RHOQ: variants seen among roughly 807,000 people sequenced by gnomAD.
The protein encoded by RHOQ is ras homolog family member Q.
In RHOQ, 7 loss-of-function variants were observed where a neutral mutation model predicts 25.8. That is an observed-to-expected ratio of 0.27 (90% CI 0.15 to 0.51). The LOEUF is 0.51. RHOQ is among the 20% of genes least tolerant of loss of function. RHOQ has a pLI of 0.97. For missense variants in RHOQ, 165 were observed against 260.6 expected (o/e 0.63, Z 2.53); for synonymous variants, 97 against 98.6 (o/e 0.98, Z 0.10).
At chr2:46,549,740 G>A (rs894550990) in intron 2 of RHOQ, among the ~76,000 whole-genome samples, 6 of 152,176 alleles carry the variant, frequency 3.9e-5, no homozygotes, top group African/African-American at 1.4e-4. Flanking sequence ...TGCTTTGCAT[G>A]TACGGAGGCT....
intron 2 of RHOQ, among the ~76,000 whole-genome samples, chr2:46,545,431 G>A (rs187505782): frequency 6.6e-6 from 1 of 152,330 alleles, no homozygotes; most frequent in East Asian, 1.9e-4. Flanking sequence ...GATGTGTGTA[G>A]TCAGAGCTGT....
chr2:46,581,361 T>C lies in RHOQ; in HGVS notation c.*278T>C, dbSNP rs1669363239. On this transcript the variant is annotated 3_prime_UTR_variant, in exon 5 of 5. Transcript: ENST00000238738. ...CATAGTTTAAAAAGCTACAATCACA[T>C]CATGTTGTAACTACGTAAAAAACAG... 6.9e-7 allele frequency: 1 copy of C among 1,450,460 alleles called. No homozygotes were observed. The highest frequency in any genetic ancestry group is 2.4e-5 in the Admixed American group (1 of 41,018). 89.8% of individuals were successfully genotyped at this position (1,450,460 alleles called of 1,614,324 possible).
chr2:46,582,130 AC>A lies in RHOQ; in HGVS notation c.*1048del, dbSNP rs910021284. 25 of 154,024 alleles carry A rather than the reference AC, an allele frequency of 1.6e-4. No homozygotes were observed. The highest frequency in any genetic ancestry group is 5.5e-4 in the African/African-American group (23 of 41,564). 9.5% of individuals were successfully genotyped at this position (154,024 alleles called of 1,614,324 possible). ...GAACCACAGCAGAAGTTATAGAGCG[AC>A]AACTTATATACACACCTAGAATGTA... is the stretch of plus-strand genomic sequence containing the variant. On this transcript the variant is annotated 3_prime_UTR_variant, in exon 5 of 5. Coordinates refer to ENST00000238738, the MANE Select transcript of RHOQ (RefSeq NM_012249.4).
At chr2:46,561,613 C>G (rs1230223645) in intron 2 of RHOQ, among the ~76,000 whole-genome samples, 3 of 152,078 alleles carry the variant, frequency 2.0e-5, no homozygotes, top group Non-Finnish European at 2.9e-5. Flanking sequence ...CCAGTAATAC[C>G]TATTTTTCCA....
intron 2 of RHOQ, among the ~76,000 whole-genome samples, chr2:46,575,544 T>C (rs1416098518): frequency 1.3e-5 from 2 of 152,080 alleles, no homozygotes; most frequent in African/African-American, 4.8e-5. Context: ...CTGCCAGGAT[T>C]TGAATCTCAG....
rs1385039489 is a variant in RHOQ at position 46,543,144 on chromosome 2, C to T, written c.98C>T (p.Ala33Val). Residue 33 changes from alanine (A) to valine (V), a missense_variant, in exon 1 of 5, where the codon GCC becomes GTC. Coordinates refer to ENST00000238738, the MANE Select transcript of RHOQ (RefSeq NM_012249.4). ...TCLLMSYANDAFPEEYVPTVF... is the reference protein window; with the variant it reads ...TCLLMSYANDVFPEEYVPTVF... Reference sequence around the variant, plus strand: ...CTACTCATGAGCTATGCCAACGACGCCTTCCCGGAGGAGTACGTGCCCACC... The same window carrying T: ...CTACTCATGAGCTATGCCAACGACGTCTTCCCGGAGGAGTACGTGCCCACC... The T allele has an allele frequency of 3.1e-6, 5 of 1,612,208 alleles. No individual in the cohort carries two copies. The highest frequency in any genetic ancestry group is 2.2e-5 in the East Asian group (1 of 44,744).
intron 2 of RHOQ, among the ~76,000 whole-genome samples, chr2:46,561,647 G>A (rs184625360): frequency 1.3e-5 from 2 of 152,070 alleles, no homozygotes; most frequent in East Asian, 3.9e-4. Flanking sequence ...GTTTGTCAAG[G>A]GCAGATGTAT....
rs1368871330 is a variant in RHOQ at position 46,584,319 on chromosome 2, G to A, written c.*3236G>A. Among the ~76,000 whole-genome samples the A allele has an allele frequency of 6.6e-6, 1 of 151,984 alleles. No individual in the cohort carries two copies. The highest frequency in any genetic ancestry group is 1.5e-5 in the Non-Finnish European group (1 of 67,962). On this transcript the variant is annotated 3_prime_UTR_variant, in exon 5 of 5. Coordinates refer to ENST00000238738, the MANE Select transcript of RHOQ (RefSeq NM_012249.4). ...TAATACTCTTTCCTCTATTTATGCT[G>A]AGAGTCTACTAATCATTGGCAAAGT...
chr2:46,578,569 CAAAAAAAAAAAAAAAAAAAAAAAA>C (rs755333304), intron 4 of RHOQ, among the ~76,000 whole-genome samples: 507 of 24,090 alleles, frequency 0.021, 14 homozygotes, highest in Admixed American at 0.047. Flanking sequence ...CCATCTCTAC[CAAAAAAAAAAAAAAAAAAAAAAAA>C]AAAAAAAAAA....
rs555758708 is a variant in RHOQ, at chr2:46,548,303, A to G, written c.201+4491A>G. The stretch of plus-strand genomic sequence containing the variant: ...TGGGTGCCCACAAGGCACTTCCCCT[A>G]CAGAAGGGAATCTCCACCGGAGGCA... On this transcript the variant is annotated intron_variant, in intron 2 of 4. Coordinates refer to ENST00000238738, the MANE Select transcript of RHOQ (RefSeq NM_012249.4). This position sits in a 1 kb window ranked among gnomAD's most constrained non-coding sequence, Gnocchi z 5.2. Among the ~76,000 whole-genome samples, 1 of 152,250 alleles carries G rather than the reference A, an allele frequency of 6.6e-6. No homozygotes were observed. Among genetic ancestry groups the G allele is most frequent in the South Asian group, 2.1e-4 (1 of 4,826 alleles).
In RHOQ at chr2:46,552,090, T is replaced by C. The variant is rs1572737877; in HGVS notation, c.201+8278T>C. On this transcript the variant is annotated intron_variant, in intron 2 of 4. Transcript: ENST00000238738. The surrounding 1 kb of genome is among the most constrained non-coding windows in gnomAD (Gnocchi z 5.0). The stretch of plus-strand genomic sequence containing the variant: ...ACATGCACTGTTGTTCAGCGTTTCA[T>C]GTAAAAGGTACATTCCAAGCGTATC... 6.6e-6 allele frequency among the ~76,000 whole-genome samples: 1 copy of C among 152,256 alleles called. No homozygotes were observed. The highest frequency in any genetic ancestry group is 1.5e-5 in the Non-Finnish European group (1 of 68,048).
Position 46,543,655 on chromosome 2 carries a change from A to G in RHOQ, c.143-99A>G. On this transcript the variant is annotated intron_variant, in intron 1 of 4. Transcript: ENST00000238738. The stretch of plus-strand genomic sequence containing the variant: ...TCGCGGGGAGCGCCCCCACGCCTCT[A>G]GCTGGGTTGGGAGAGGAGGGTCCGG... 2.9e-6 allele frequency: 3 copies of G among 1,043,180 alleles called. No homozygotes were observed. The South Asian group carries it at 4.1e-5, about 14-fold the overall frequency. 64.6% of individuals were successfully genotyped at this position (1,043,180 alleles called of 1,614,324 possible). A position where few individuals can be genotyped will look rare whatever the true frequency, so the allele number is the denominator to read the frequency against.
At chr2:46,570,400 A>G (rs967720557) in intron 2 of RHOQ, among the ~76,000 whole-genome samples, 1 of 151,974 alleles carries the variant, frequency 6.6e-6, no homozygotes, top group Admixed American at 6.6e-5. Flanking sequence ...AGATTGTGCT[A>G]TTGCACTCTA....
chr2:46,562,581 G>A (rs1668609044), intron 2 of RHOQ, among the ~76,000 whole-genome samples: 1 of 152,148 alleles, frequency 6.6e-6, no homozygotes, highest in African/African-American at 2.4e-5. Context: ...GGAACACAGA[G>A]GATGCTAGTG....
intron 2 of RHOQ, among the ~76,000 whole-genome samples, chr2:46,553,315 CT>C (rs936927025): frequency 1.5e-4 from 23 of 151,016 alleles, no homozygotes; most frequent in Non-Finnish European, 2.5e-4. Context: ...TTATTTTATT[CT>C]TTTTTTTATT....
intron 2 of RHOQ, among the ~76,000 whole-genome samples, chr2:46,550,634 C>T (rs1668211120): frequency 6.6e-6 from 1 of 152,216 alleles, no homozygotes; most frequent in Admixed American, 6.5e-5. Context: ...AGTTCTACCT[C>T]TTTGTAGCTG....
At chr2:46,572,868 C>T (rs1471782458) in intron 2 of RHOQ, 2 of 386,436 alleles carry the variant, frequency 5.2e-6, no homozygotes, top group East Asian at 1.4e-4. Context: ...TTCTGCACAC[C>T]TCCACTTATT....
Position 46,583,414 on chromosome 2 carries a change from G to A in RHOQ, c.*2331G>A, listed in dbSNP as rs1006880759. 6.6e-6 allele frequency among the ~76,000 whole-genome samples: 1 copy of A among 151,988 alleles called. No homozygotes were observed. Among genetic ancestry groups the A allele is most frequent in the African/African-American group, 2.4e-5 (1 of 41,410 alleles). On this transcript the variant is annotated 3_prime_UTR_variant, in exon 5 of 5. Coordinates refer to ENST00000238738, the MANE Select transcript of RHOQ (RefSeq NM_012249.4). ...ATCATTGTTGGATGTTACCTTTTCA[G>A]CTTCACATTCTCAAGATGGTAAAAA... is the stretch of plus-strand genomic sequence containing the variant.
rs1291675065 is a variant in RHOQ, at chr2:46,545,608, C to T, written c.201+1796C>T. 1.9e-4 allele frequency among the ~76,000 whole-genome samples: 29 copies of T among 152,192 alleles called. 1 individual carries two copies. The highest frequency in any genetic ancestry group is 1.9e-3 in the Admixed American group (29 of 15,288). On this transcript the variant is annotated intron_variant, in intron 2 of 4. Coordinates refer to ENST00000238738, the MANE Select transcript of RHOQ (RefSeq NM_012249.4). The stretch of plus-strand genomic sequence containing the variant: ...AAACAGGCTCAGAGAAGCTAGGTTG[C>T]TTGCCTGAGGTCACACAGCTACTGA...
Sources: allele counts gnomAD v4.1 joint callset (sites outside exome capture counted in the v4.1 genomes callset), GRCh38; gene constraint gnomAD v4.1.1; non-coding constraint Gnocchi (gnomAD v3.1); transcripts MANE v1.5; gene names NCBI Gene and HGNC (gene_info 2026-07-23, HGNC 2026-07-21).